The following CTNNA3 variants were observed in gnomAD, a reference collection of about 807,000 sequenced individuals.
CTNNA3 encodes the protein catenin alpha-3.
CTNNA3 carries 76 observed loss-of-function variants against 95.7 expected under a neutral mutation model. The observed-to-expected ratio is 0.79, with a 90% confidence interval of 0.66 to 0.96. The LOEUF is 0.96. Ranked by LOEUF, CTNNA3 falls within the 40% of genes least tolerant of loss-of-function variation. CTNNA3 has a pLI of 0.00. For synonymous variants in CTNNA3, 431 were observed against 374.4 expected, an observed-to-expected ratio of 1.15 and a Z score of -1.74; for missense variants, 1,191 against 1,089.8, an observed-to-expected ratio of 1.09 and a Z score of -1.31.
intron 12 of CTNNA3, among the ~76,000 whole-genome samples, chr10:66,324,203 C>G (rs2092225575): frequency 6.6e-6 from 1 of 151,634 alleles, no homozygotes; most frequent in African/African-American, 2.4e-5. Context: ...ACCTGTAATC[C>G]CAGCTACTTG....
At chr10:67,750,573 T>C in intron 1 of CTNNA3, 1 of 1,577,310 alleles carries the variant, frequency 6.3e-7, no homozygotes, top group Non-Finnish European at 8.7e-7. Context: ...GAGAAGACCC[T>C]CAAGGATCTG....
intron 8 of CTNNA3, among the ~76,000 whole-genome samples, chr10:66,768,294 T>G (rs1009988993): frequency 6.6e-6 from 1 of 152,168 alleles, no homozygotes; most frequent in Non-Finnish European, 1.5e-5. Context: ...AAATCTACAC[T>G]AGAGATATGC....
intron 7 of CTNNA3, among the ~76,000 whole-genome samples, chr10:67,059,926 A>T (rs1001686621): frequency 2.6e-5 from 4 of 152,196 alleles, no homozygotes; most frequent in Non-Finnish European, 4.4e-5. Flanking sequence ...AAAATAGAAG[A>T]CACTGTTTCT....
intron 13 of CTNNA3, among the ~76,000 whole-genome samples, chr10:66,114,676 C>G (rs971854466): frequency 1.3e-5 from 2 of 151,594 alleles, no homozygotes; most frequent in Non-Finnish European, 2.9e-5. Context: ...GTCAAGAGAT[C>G]GAGACCATCC....
intron 12 of CTNNA3, among the ~76,000 whole-genome samples, chr10:66,290,315 C>A (rs767370227): frequency 5.9e-5 from 9 of 151,842 alleles, no homozygotes; most frequent in Non-Finnish European, 1.2e-4. Flanking sequence ...CATTAAAAAT[C>A]CTAGAGTTAA....
intron 5 of CTNNA3, among the ~76,000 whole-genome samples, chr10:67,473,521 T>C (rs1847903246): frequency 6.6e-6 from 1 of 152,236 alleles, no homozygotes; most frequent in Non-Finnish European, 1.5e-5. Flanking sequence ...ATTACTTTAT[T>C]ATGCAGAGCA....
intron 5 of CTNNA3, among the ~76,000 whole-genome samples, chr10:67,435,921 G>T (rs901826828): frequency 6.6e-6 from 1 of 152,004 alleles, no homozygotes; most frequent in Non-Finnish European, 1.5e-5. Flanking sequence ...CAAATTCAAT[G>T]CAATCCCTAT....
At chr10:66,544,921 A>G (rs1564524093) in intron 10 of CTNNA3, among the ~76,000 whole-genome samples, 1 of 152,124 alleles carries the variant, frequency 6.6e-6, no homozygotes, top group Non-Finnish European at 1.5e-5. Flanking sequence ...GGTTTGGGAA[A>G]AGATTTATGT....
At position 67,160,480 on chromosome 10, in the gene CTNNA3, C is replaced by T. The variant is rs118059259; in HGVS notation, c.1047+19837G>A. Among the ~76,000 whole-genome samples the T allele has an allele frequency of 6.2e-3, 913 of 147,050 alleles. 6 individuals are homozygous for T. Among genetic ancestry groups the T allele is most frequent in the Middle Eastern group, 0.011 (3 of 282 alleles). On this transcript the variant is annotated intron_variant, in intron 7 of 17. Transcript: ENST00000433211. ...TGAGACAGGGTCTTGCTCTGTCCCC[C>T]GGGCTGGAGTGCAGTGATGTAATCA... is the stretch of plus-strand genomic sequence containing the variant.
At chr10:66,178,702 C>T (rs2085873807) in intron 13 of CTNNA3, among the ~76,000 whole-genome samples, 1 of 151,430 alleles carries the variant, frequency 6.6e-6, no homozygotes, top group African/African-American at 2.4e-5. Flanking sequence ...TACATAAAGA[C>T]CTCTCAACAC....
At chr10:67,050,121 C>A (rs538457809) in intron 7 of CTNNA3, among the ~76,000 whole-genome samples, 1 of 152,134 alleles carries the variant, frequency 6.6e-6, no homozygotes, top group Non-Finnish European at 1.5e-5. Flanking sequence ...TTCCATTGCC[C>A]GGATTTCTTG....
chr10:67,504,435 C>CAAAA (rs60719599), intron 5 of CTNNA3, among the ~76,000 whole-genome samples: 337 of 16,124 alleles, frequency 0.021, 51 homozygotes, highest in African/African-American at 0.036. Context: ...GACTCCATCT[C>CAAAA]AAAAAAAAAA....
At chr10:67,657,643 C>T (rs955090968) in intron 1 of CTNNA3, among the ~76,000 whole-genome samples, 4 of 151,958 alleles carry the variant, frequency 2.6e-5, no homozygotes, top group African/African-American at 9.7e-5. Context: ...GTCAGGAGTT[C>T]GAGACCAGCC....
chr10:66,020,138 C>T (rs2079173893), intron 15 of CTNNA3, among the ~76,000 whole-genome samples: 1 of 152,082 alleles, frequency 6.6e-6, no homozygotes, highest in South Asian at 2.1e-4. Flanking sequence ...ATAAAAATGG[C>T]AAATAACAGC....
chr10:67,727,468 A>G (rs1371195279), intron 1 of CTNNA3, among the ~76,000 whole-genome samples: 2 of 133,596 alleles, frequency 1.5e-5, no homozygotes, highest in African/African-American at 2.7e-5. Flanking sequence ...TATATCATAT[A>G]TTATATATTT....
At chr10:66,885,135 A>G (rs1445450834) in intron 7 of CTNNA3, among the ~76,000 whole-genome samples, 1 of 152,162 alleles carries the variant, frequency 6.6e-6, no homozygotes, top group South Asian at 2.1e-4. Flanking sequence ...GAGAATCAAA[A>G]GACATCCCTC....
intron 3 of CTNNA3, among the ~76,000 whole-genome samples, chr10:67,561,939 G>C (rs1010538783): frequency 6.6e-6 from 1 of 152,128 alleles, no homozygotes; most frequent in Non-Finnish European, 1.5e-5. Flanking sequence ...ACTAAACCAC[G>C]AAGAAGTTGA....
intron 3 of CTNNA3, among the ~76,000 whole-genome samples, chr10:67,604,012 A>C (rs114483559): frequency 0.031 from 4,656 of 152,168 alleles, 237 homozygotes; most frequent in African/African-American, 0.11. Flanking sequence ...TTCTATGTTT[A>C]GATATACAAA....
At chr10:65,940,734 C>T (rs2077416750) in intron 17 of CTNNA3, among the ~76,000 whole-genome samples, 1 of 152,038 alleles carries the variant, frequency 6.6e-6, no homozygotes, top group South Asian at 2.1e-4. Flanking sequence ...TTTTCAGATT[C>T]CCAGTTAAAT....
Sources: gnomAD v4.1 joint callset for allele counts (sites outside exome capture counted in the v4.1 genomes callset) on GRCh38, gnomAD v4.1.1 for gene constraint, MANE v1.5 for transcripts, NCBI Gene and HGNC (gene_info 2026-07-23, HGNC 2026-07-21) for gene names.